Variants in GALNT13 observed in about 807,000 individuals in gnomAD.
GALNT13 encodes polypeptide N-acetylgalactosaminyltransferase 13.
In GALNT13, 28 loss-of-function variants were observed where a neutral mutation model predicts 64.2. The ratio of observed to expected loss-of-function variants is 0.44; its 90% confidence interval spans 0.32 to 0.60. The LOEUF (loss-of-function observed/expected upper bound fraction) is 0.60. Ranked by LOEUF, GALNT13 falls within the 20% of genes least tolerant of loss-of-function variation. The pLI, the probability that GALNT13 is intolerant of heterozygous loss-of-function variation, is 0.05. For missense variants in GALNT13, 577 were observed against 669.8 expected (o/e 0.86, Z 1.53); for synonymous variants, 214 against 224.6 (o/e 0.95, Z 0.42).
chr2:154,052,207 G>T (rs1314041885), intron 3 of GALNT13, among the ~76,000 whole-genome samples: 2 of 152,104 alleles, frequency 1.3e-5, no homozygotes, highest in Non-Finnish European at 2.9e-5. Flanking sequence ...TTGCTATTGT[G>T]CCTGTCCTAC....
chr2:153,286,144 T>G, the GALNT13 span, among the ~76,000 whole-genome samples: 1 of 152,144 alleles, frequency 6.6e-6, no homozygotes. Flanking sequence ...CTGCCTTGAA[T>G]TAATAGAAGT....
chr2:154,138,567 A>T (rs1361022961), intron 3 of GALNT13, among the ~76,000 whole-genome samples: 2 of 141,100 alleles, frequency 1.4e-5, no homozygotes, highest in Non-Finnish European at 3.2e-5. Flanking sequence ...ACAGTCCAAG[A>T]TATGTTAAAA....
intron 1 of GALNT13, among the ~76,000 whole-genome samples, chr2:153,888,031 G>T (rs544485354): frequency 3.3e-4 from 50 of 152,044 alleles, no homozygotes; most frequent in African/African-American, 1.2e-3. Flanking sequence ...AGCATAATTT[G>T]AAATAACAAA....
At chr2:153,407,033 CAATA>C in the GALNT13 span, among the ~76,000 whole-genome samples, 1 of 151,964 alleles carries the variant, frequency 6.6e-6, no homozygotes, top group Non-Finnish European at 1.5e-5. Flanking sequence ...ACAATTAAAA[CAATA>C]AATATATAAA....
the GALNT13 span, among the ~76,000 whole-genome samples, chr2:153,429,447 G>T: frequency 1.3e-5 from 2 of 152,140 alleles, no homozygotes; most frequent in East Asian, 1.9e-4. Context: ...TTTATGAGTT[G>T]GGAGTTCATT....
At chr2:153,910,185 G>A (rs1313569954) in intron 2 of GALNT13, among the ~76,000 whole-genome samples, 1 of 151,926 alleles carries the variant, frequency 6.6e-6, no homozygotes, top group East Asian at 1.9e-4. Flanking sequence ...ATGTGCTCAG[G>A]TATCTATCCA....
At chr2:153,581,281 A>C in the GALNT13 span, among the ~76,000 whole-genome samples, 6 of 151,912 alleles carry the variant, frequency 3.9e-5, no homozygotes, top group Admixed American at 2.0e-4. Context: ...ATGAATATTG[A>C]TTAAGTACCT....
chr2:153,864,630 C>CT, the GALNT13 span, among the ~76,000 whole-genome samples: 1 of 152,018 alleles, frequency 6.6e-6, no homozygotes, highest in Non-Finnish European at 1.5e-5. Context: ...TCTTCAAGAA[C>CT]TACAAACCAC....
the GALNT13 span, among the ~76,000 whole-genome samples, chr2:153,684,453 A>G: frequency 6.6e-5 from 10 of 151,618 alleles, no homozygotes; most frequent in Non-Finnish European, 1.3e-4. Flanking sequence ...GTCACGTCAC[A>G]TTGCATATTA....
the GALNT13 span, among the ~76,000 whole-genome samples, chr2:153,178,831 G>T: frequency 1.3e-5 from 2 of 148,260 alleles, no homozygotes; most frequent in East Asian, 2.0e-4. Context: ...TGCTGCCTGG[G>T]TTCAAGCAAT....
the GALNT13 span, among the ~76,000 whole-genome samples, chr2:153,651,964 T>C: frequency 6.6e-6 from 1 of 152,172 alleles, no homozygotes. Flanking sequence ...CTTAAGTGAA[T>C]GACCTGTAAG....
At chr2:153,484,527 G>T in the GALNT13 span, among the ~76,000 whole-genome samples, 1 of 152,038 alleles carries the variant, frequency 6.6e-6, no homozygotes, top group Non-Finnish European at 1.5e-5. Flanking sequence ...AAAGCAAAAA[G>T]CAACCAAATT....
intron 9 of GALNT13, among the ~76,000 whole-genome samples, chr2:154,317,998 T>C (rs1198912334): frequency 1.3e-5 from 2 of 152,092 alleles, no homozygotes; most frequent in African/African-American, 4.8e-5. Context: ...AGATAACTGC[T>C]CTACCTCAAT....
At chr2:153,213,881 C>A in the GALNT13 span, among the ~76,000 whole-genome samples, 1 of 152,094 alleles carries the variant, frequency 6.6e-6, no homozygotes, top group Non-Finnish European at 1.5e-5. Flanking sequence ...TCATTAGGAG[C>A]ATTAGTGCTT....
the GALNT13 span, among the ~76,000 whole-genome samples, chr2:153,133,847 A>T: frequency 6.6e-6 from 1 of 152,178 alleles, no homozygotes; most frequent in Non-Finnish European, 1.5e-5. Flanking sequence ...TTGTAACTGG[A>T]AGATAAGAGC....
intron 3 of GALNT13, among the ~76,000 whole-genome samples, chr2:153,966,772 T>G (rs1327611577): frequency 6.6e-6 from 1 of 152,156 alleles, no homozygotes; most frequent in African/African-American, 2.4e-5. Flanking sequence ...TTGTTCTACC[T>G]GGTTATTCGT....
the GALNT13 span, among the ~76,000 whole-genome samples, chr2:153,662,923 T>A: frequency 2.0e-5 from 3 of 152,246 alleles, no homozygotes; most frequent in African/African-American, 7.2e-5. Flanking sequence ...TTCCTCAGAG[T>A]TAGACAATTA....
chr2:153,866,229 T>G, the GALNT13 span, among the ~76,000 whole-genome samples: 1 of 140,176 alleles, frequency 7.1e-6, no homozygotes. Flanking sequence ...AGTTAGTGGG[T>G]GCAGCGCACC....
chr2:153,156,251 A>G, the GALNT13 span, among the ~76,000 whole-genome samples: 2 of 152,178 alleles, frequency 1.3e-5, no homozygotes, highest in Admixed American at 6.6e-5. Flanking sequence ...CATAAGGTTC[A>G]GTTGATGCGG....
Sources: allele counts gnomAD v4.1 joint callset (sites outside exome capture counted in the v4.1 genomes callset), GRCh38; gene constraint gnomAD v4.1.1; transcripts MANE v1.5; gene names NCBI Gene and HGNC (gene_info 2026-07-23, HGNC 2026-07-21).